TTC28: variants seen among roughly 807,000 people sequenced by gnomAD.
TTC28 encodes tetratricopeptide repeat protein 28.
TTC28 carries 61 observed loss-of-function variants against 198.0 expected under a neutral mutation model. The ratio of observed to expected loss-of-function variants is 0.31; its 90% CI spans 0.25 to 0.38. TTC28 has a LOEUF of 0.38. TTC28 is among the 10% of genes least tolerant of loss of function. The probability of loss-of-function intolerance (pLI) is 1.00; values close to 1 mark genes in which losing one functional copy is unlikely to be tolerated. For missense variants in TTC28, 2,678 were observed against 3,164.0 expected (o/e 0.85, Z 3.69); for synonymous variants, 1,171 against 1,297.8 (o/e 0.90, Z 2.10).
intron 2 of TTC28, among the ~76,000 whole-genome samples, chr22:28,594,808 G>A (rs993946592): frequency 2.0e-5 from 3 of 152,228 alleles, no homozygotes; most frequent in South Asian, 4.1e-4. Context: ...TTCACCATCC[G>A]ATAAATAAGA....
intron 2 of TTC28, among the ~76,000 whole-genome samples, chr22:28,609,648 C>T (rs1410102244): frequency 1.3e-5 from 2 of 151,978 alleles, no homozygotes; most frequent in Non-Finnish European, 1.5e-5. Flanking sequence ...ACTGGGTGGC[C>T]ATTTGGACAG....
intron 2 of TTC28, among the ~76,000 whole-genome samples, chr22:28,451,799 T>A (rs960240770): frequency 6.6e-6 from 1 of 152,212 alleles, no homozygotes; most frequent in African/African-American, 2.4e-5. Flanking sequence ...TTGGCTACAA[T>A]CTTTTCTCTA....
chr22:28,498,058 G>T (rs879408659), intron 2 of TTC28, among the ~76,000 whole-genome samples: 3 of 151,746 alleles, frequency 2.0e-5, no homozygotes, highest in African/African-American at 7.3e-5. Context: ...GAGTAGCCAC[G>T]GTTTTCACAG....
chr22:28,428,762 C>A (rs149556948), intron 2 of TTC28, among the ~76,000 whole-genome samples: 8,752 of 151,930 alleles, frequency 0.058, 364 homozygotes, highest in East Asian at 0.23. Context: ...CCTCAGCCTC[C>A]CGAGTAGCTG....
At chr22:28,535,752 C>T (rs993756683) in intron 2 of TTC28, among the ~76,000 whole-genome samples, 6 of 151,962 alleles carry the variant, frequency 3.9e-5, no homozygotes, top group Non-Finnish European at 8.8e-5. Context: ...TGTGTAGCAC[C>T]TCCCACTTCA....
At chr22:28,673,520 G>A (rs2051924654) in intron 1 of TTC28, among the ~76,000 whole-genome samples, 1 of 152,158 alleles carries the variant, frequency 6.6e-6, no homozygotes, top group South Asian at 2.1e-4. Context: ...TATGGACGTA[G>A]TTCAGAAAAT....
chr22:28,408,452 G>A (rs185708303), intron 2 of TTC28, among the ~76,000 whole-genome samples: 5 of 151,926 alleles, frequency 3.3e-5, no homozygotes, highest in East Asian at 1.9e-4. Context: ...GTGCAGTGGC[G>A]TGATCTTGGC....
intron 6 of TTC28, among the ~76,000 whole-genome samples, chr22:28,116,613 C>T (rs911290535): frequency 5.3e-5 from 8 of 152,162 alleles, no homozygotes; most frequent in Non-Finnish European, 8.8e-5. Flanking sequence ...AGGTGGGAGG[C>T]AGCCTCACAA....
intron 2 of TTC28, among the ~76,000 whole-genome samples, chr22:28,336,223 C>T (rs1214297446): frequency 6.6e-6 from 1 of 152,146 alleles, no homozygotes; most frequent in Non-Finnish European, 1.5e-5. Context: ...TGTTGATGTG[C>T]TGCTGGATTC....
At chr22:27,984,735 A>AAAAAC (rs1346852945) in intron 22 of TTC28, among the ~76,000 whole-genome samples, 1 of 152,184 alleles carries the variant, frequency 6.6e-6, no homozygotes, top group East Asian at 1.9e-4. Context: ...CTTCCAAATA[A>AAAAAC]AAAACAGGAT....
intron 1 of TTC28, among the ~76,000 whole-genome samples, chr22:28,661,997 T>G (rs940846868): frequency 2.6e-5 from 4 of 151,966 alleles, no homozygotes; most frequent in African/African-American, 9.7e-5. Flanking sequence ...TACTTCAGCC[T>G]CCCAAATAGC....
intron 12 of TTC28, among the ~76,000 whole-genome samples, chr22:28,036,089 G>A (rs1053766440): frequency 3.9e-5 from 6 of 152,150 alleles, no homozygotes; most frequent in African/African-American, 1.2e-4. Context: ...CAACGAGACA[G>A]AAGGTTAACA....
At chr22:28,582,591 T>A (rs1330204652) in intron 2 of TTC28, among the ~76,000 whole-genome samples, 1 of 152,104 alleles carries the variant, frequency 6.6e-6, no homozygotes. Flanking sequence ...TAACCTAACA[T>A]GACTAGAAAA....
At chr22:28,134,671 G>A (rs135638) in intron 6 of TTC28, among the ~76,000 whole-genome samples, 2,814 of 152,220 alleles carry the variant, frequency 0.018, 29 homozygotes, top group Non-Finnish European at 0.026. Context: ...AGAAATGAAC[G>A]AAGCCTCTAA....
chr22:28,462,983 T>C (rs1236060946), intron 2 of TTC28, among the ~76,000 whole-genome samples: 2 of 152,158 alleles, frequency 1.3e-5, no homozygotes, highest in Non-Finnish European at 1.5e-5. Flanking sequence ...AACAGTACAA[T>C]AGCTTAAATG....
intron 2 of TTC28, among the ~76,000 whole-genome samples, chr22:28,351,780 T>A (rs2045999971): frequency 6.6e-6 from 1 of 152,192 alleles, no homozygotes; most frequent in South Asian, 2.1e-4. Flanking sequence ...AGCAATCTTT[T>A]ATCAAAGTCT....
intron 12 of TTC28, among the ~76,000 whole-genome samples, chr22:28,083,188 G>A (rs1360389197): frequency 1.3e-5 from 2 of 151,962 alleles, no homozygotes; most frequent in African/African-American, 4.8e-5. Context: ...TAGACCAGAG[G>A]TGCCTGGAAG....
chr22:28,459,989 C>T (rs568165218), intron 2 of TTC28: 4 of 152,178 alleles, frequency 2.6e-5, no homozygotes, highest in Admixed American at 6.5e-5. Context: ...AAAACAAATA[C>T]GTATACACTT....
intron 5 of TTC28, among the ~76,000 whole-genome samples, chr22:28,295,061 T>A (rs1212602429): frequency 6.6e-6 from 1 of 152,180 alleles, no homozygotes; most frequent in African/African-American, 2.4e-5. Flanking sequence ...TTGTTTGTAA[T>A]GTTAGTTATT....
Sources: gnomAD v4.1 joint callset for allele counts (sites outside exome capture counted in the v4.1 genomes callset) on GRCh38, gnomAD v4.1.1 for gene constraint, MANE v1.5 for transcripts, NCBI Gene and HGNC (gene_info 2026-07-23, HGNC 2026-07-21) for gene names.